Variants in LYST observed in about 807,000 individuals in gnomAD.
LYST encodes lysosomal-trafficking regulator.
LYST carries 192 observed loss-of-function variants against 413.6 expected under a neutral mutation model. The observed-to-expected ratio is 0.46, with a 90% CI of 0.41 to 0.52. The LOEUF (loss-of-function observed/expected upper bound fraction) is 0.52, where lower values mean the gene tolerates loss of function less well. Among genes scored for constraint, LYST ranks in the 20% least tolerant of loss-of-function variants. The pLI, the probability that LYST is intolerant of heterozygous loss-of-function variation, is 0.00. For missense variants in LYST, 3,815 were observed against 4,499.9 expected, an observed-to-expected ratio of 0.85 and a Z score of 4.35; for synonymous variants, 1,525 against 1,567.3, an observed-to-expected ratio of 0.97 and a Z score of 0.64.
At chr1:235,731,232 AT>A in intron 34 of LYST, 55 bp from the exon 35 acceptor site, 1 of 1,518,914 alleles carries the variant, frequency 6.6e-7, no homozygotes, top group Non-Finnish European at 9.1e-7. Context: ...ACTTGTAGCT[AT>A]AAAAAAAATC....
At chr1:235,775,123 A>G (rs1669103218) in intron 17 of LYST, 37 bp from the exon 18 acceptor site, 2 of 1,491,284 alleles carry the variant, frequency 1.3e-6, no homozygotes, top group East Asian at 2.3e-5. Context: ...TTTTCTCCCA[A>G]TTTGCTGAGA....
intron 17 of LYST, among the ~76,000 whole-genome samples, 184 bp from the exon 18 acceptor site, chr1:235,775,270 T>C (rs2103445229): frequency 6.6e-6 from 1 of 152,296 alleles, no homozygotes; most frequent in South Asian, 2.1e-4. Flanking sequence ...ATAAACTCCA[T>C]GTTCTATAGT....
rs535080914 is a variant in LYST, at chr1:235,681,293, G to C, written c.10801-3674C>G. On this transcript the variant is annotated intron_variant, in intron 48 of 52. Coordinates refer to ENST00000389793, the MANE Select transcript of LYST (RefSeq NM_000081.4). ...AGGAGATATGAAAGAAAGTGGCACT[G>C]CCAATGTTACTGGGAGCAGGGTAGG... 2.0e-5 allele frequency among the ~76,000 whole-genome samples: 3 copies of C among 152,294 alleles called. 1 individual carries two copies. The South Asian group carries it at 6.2e-4, about 32-fold the overall frequency.
intron 1 of LYST, among the ~76,000 whole-genome samples, chr1:235,875,323 A>T (rs918492059): frequency 6.6e-6 from 1 of 152,192 alleles, no homozygotes; most frequent in Admixed American, 6.5e-5. Context: ...TAACTAAGGC[A>T]TGTTCCATGT....
chr1:235,726,003 T>C (rs1212767411), intron 38 of LYST, among the ~76,000 whole-genome samples: 2 of 152,218 alleles, frequency 1.3e-5, no homozygotes, highest in East Asian at 3.8e-4. Context: ...ACTGAATACA[T>C]AAATTATGCT....
chr1:235,668,880 T>A (rs1658706314), intron 50 of LYST, among the ~76,000 whole-genome samples: 1 of 152,226 alleles, frequency 6.6e-6, no homozygotes, highest in Non-Finnish European at 1.5e-5. Context: ...TTTCCCTTTG[T>A]TATAATCATT....
chr1:235,806,095 C>G lies in LYST; in HGVS notation c.3041G>C (p.Gly1014Ala), dbSNP rs765006632. The change falls in exon 6 of 53, where the codon GGA becomes GCA. Residue 1014 changes from glycine (G) to alanine (A), a missense_variant. Transcript: ENST00000389793. ...SHKEEQGKKE[G>A]DTSVNENQDL... is the part of the protein sequence containing the mutation. ...CTGGTTTTCATTTACACTTGTATCT[C>G]CCTCCTTTTTTCCTTGCTCCTCTTT... 1.9e-6 allele frequency: 3 copies of G among 1,613,676 alleles called. No homozygotes were observed. Among genetic ancestry groups the G allele is most frequent in the Admixed American group, 3.3e-5 (2 of 59,984 alleles).
chr1:235,744,278 A>G, intron 29 of LYST, 121 bp from the exon 30 acceptor site: 1 of 659,966 alleles, frequency 1.5e-6, no homozygotes, highest in Non-Finnish European at 2.7e-6. Flanking sequence ...CACAATTTAA[A>G]TGTGTATCAG....
At chr1:235,762,947 A>C (rs2103374075) in intron 21 of LYST, 96 bp from the exon 22 acceptor site, 1 of 927,182 alleles carries the variant, frequency 1.1e-6, no homozygotes, top group South Asian at 1.4e-5. Flanking sequence ...AAATTTTGAC[A>C]AAAAGATGTT....
intron 1 of LYST, among the ~76,000 whole-genome samples, chr1:235,862,658 T>C (rs1453998528): frequency 1.3e-5 from 2 of 152,062 alleles, no homozygotes; most frequent in East Asian, 1.9e-4. Flanking sequence ...TAGCCGGGCA[T>C]GGTGGCAGGC....
chr1:235,836,364 C>G (rs891519922), intron 1 of LYST, among the ~76,000 whole-genome samples: 6 of 152,086 alleles, frequency 3.9e-5, no homozygotes, highest in African/African-American at 1.4e-4. Context: ...ACTATAATGT[C>G]AGGTCATGTT....
intron 45 of LYST, 91 bp from the exon 46 acceptor site, chr1:235,697,363 A>G (rs1343833903): frequency 1.1e-6 from 1 of 915,596 alleles, no homozygotes; most frequent in Non-Finnish European, 1.7e-6. Context: ...AGTAAGAGAA[A>G]GTAATATGGA....
chr1:235,676,670 T>C (rs561773180), intron 50 of LYST, among the ~76,000 whole-genome samples: 18 of 152,204 alleles, frequency 1.2e-4, no homozygotes, highest in Non-Finnish European at 2.2e-4. Flanking sequence ...TCATGAATCA[T>C]TAATAAAAGC....
chr1:235,698,739 G>A (rs1484184426), intron 45 of LYST, among the ~76,000 whole-genome samples: 1 of 152,086 alleles, frequency 6.6e-6, no homozygotes, highest in Non-Finnish European at 1.5e-5. Context: ...TGGGCGTGGT[G>A]GCGGGTGCCT....
chr1:235,776,829 T>A (rs1558228711), intron 17 of LYST, among the ~76,000 whole-genome samples: 1 of 152,148 alleles, frequency 6.6e-6, no homozygotes, highest in Non-Finnish European at 1.5e-5. Context: ...AACATTTAAT[T>A]GTACTAATTA....
Position 235,881,548 on chromosome 1 carries a change from A to C in LYST, n.454+1639T>G, listed in dbSNP as rs546945990. Among the ~76,000 whole-genome samples, 16 of 152,354 alleles carry C rather than the reference A, an allele frequency of 1.1e-4. No individual in the cohort carries two copies. The South Asian group carries it at 3.1e-3, about 30-fold the overall frequency. The stretch of plus-strand genomic sequence containing the variant: ...CATGTTCATAGCAGCATTATTCATA[A>C]AAGCCAAAGGGGAAGCAATGCAAGT... On this transcript the variant is annotated intron_variant and non_coding_transcript_variant, in intron 1 of 11. Coordinates refer to the LYST transcript ENST00000465349.
chr1:235,676,272 A>G (rs1659370827), intron 50 of LYST, among the ~76,000 whole-genome samples: 1 of 152,176 alleles, frequency 6.6e-6, no homozygotes, highest in African/African-American at 2.4e-5. Context: ...GAGGCTTTTC[A>G]TTTAGTCAGG....
At position 235,730,805 on chromosome 1, in the gene LYST, G is replaced by A. The variant is rs760827955; in HGVS notation, c.9044+42C>T. On this transcript the variant is annotated intron_variant, in intron 36 of 52. Transcript: ENST00000389793. Reference sequence around the variant, plus strand: ...TACATAAACACTACAATAAGCTGTTGTATATTCATGAAAGAGTGAAGGTCT... The same window carrying A: ...TACATAAACACTACAATAAGCTGTTATATATTCATGAAAGAGTGAAGGTCT... 2.0e-5 allele frequency: 22 copies of A among 1,119,414 alleles called. No homozygotes were observed. In the Admixed American group the frequency reaches 2.7e-4, roughly 14 times the overall value. The allele number at this position is 1,119,414 out of a possible 1,614,324, so 69.3% of individuals were successfully genotyped here.
intron 8 of LYST, among the ~76,000 whole-genome samples, chr1:235,801,583 A>G (rs1038252339): frequency 1.3e-5 from 2 of 152,130 alleles, no homozygotes; most frequent in African/African-American, 4.8e-5. Context: ...AATTTGACTT[A>G]TATGATCTTT....
Sources: allele counts gnomAD v4.1 joint callset (sites outside exome capture counted in the v4.1 genomes callset), GRCh38; gene constraint gnomAD v4.1.1; transcripts MANE v1.5; gene names NCBI Gene and HGNC (gene_info 2026-07-23, HGNC 2026-07-21).